The following MARCHF1 variants were observed in gnomAD, a reference collection of about 807,000 sequenced individuals.
The protein encoded by MARCHF1 is E3 ubiquitin-protein ligase MARCHF1.
A neutral mutation model predicts 54.2 loss-of-function variants in MARCHF1; 40 were observed. The ratio of observed to expected loss-of-function variants is 0.74; its 90% CI spans 0.57 to 0.96. The LOEUF (loss-of-function observed/expected upper bound fraction) is 0.96. MARCHF1 is among the 40% of genes least tolerant of loss of function. The probability of loss-of-function intolerance (pLI) is 0.00; values close to 1 mark genes in which losing one functional copy is unlikely to be tolerated. For missense variants in MARCHF1, 586 were observed against 656.5 expected (o/e 0.89, Z 1.17); for synonymous variants, 236 against 236.3 (o/e 1.00, Z 0.01).
At chr4:163,959,315 AAAC>A (rs1319412764) in intron 3 of MARCHF1, among the ~76,000 whole-genome samples, 8 of 134,152 alleles carry the variant, frequency 6.0e-5, no homozygotes, top group East Asian at 4.3e-4. Context: ...ATCCTAAGCA[AAAC>A]AACAACAACA....
At chr4:164,102,220 T>C (rs1431803916) in intron 2 of MARCHF1, among the ~76,000 whole-genome samples, 5 of 84,958 alleles carry the variant, frequency 5.9e-5, no homozygotes, top group African/African-American at 2.4e-4. Flanking sequence ...ACTTCCCCAA[T>C]CTAGCAAGGC....
chr4:163,991,902 A>T (rs945046756), intron 2 of MARCHF1, among the ~76,000 whole-genome samples: 1 of 151,954 alleles, frequency 6.6e-6, no homozygotes, highest in African/African-American at 2.4e-5. Flanking sequence ...GCATTTTTAC[A>T]TATTAACTCT....
chr4:163,636,079 T>C (rs1742308787), intron 5 of MARCHF1, among the ~76,000 whole-genome samples: 1 of 152,164 alleles, frequency 6.6e-6, no homozygotes, highest in South Asian at 2.1e-4. Context: ...AAATTAGGTA[T>C]CGATGGGACG....
intron 4 of MARCHF1, among the ~76,000 whole-genome samples, chr4:163,806,262 T>C (rs1405946879): frequency 6.6e-6 from 1 of 152,190 alleles, no homozygotes; most frequent in African/African-American, 2.4e-5. Context: ...CTCAGTTGGC[T>C]CCACATTCTG....
intron 3 of MARCHF1, among the ~76,000 whole-genome samples, chr4:163,930,359 G>C (rs1478232502): frequency 6.6e-6 from 1 of 151,922 alleles, no homozygotes; most frequent in African/African-American, 2.4e-5. Context: ...CTCAGAAATT[G>C]AACAGAGGAC....
At chr4:163,936,859 C>T (rs1751807994) in intron 3 of MARCHF1, among the ~76,000 whole-genome samples, 1 of 152,206 alleles carries the variant, frequency 6.6e-6, no homozygotes, top group Non-Finnish European at 1.5e-5. Context: ...CTCAGATCCT[C>T]AGGCTCAGCC....
At chr4:163,928,160 C>A (rs753432170) in intron 3 of MARCHF1, among the ~76,000 whole-genome samples, 9 of 151,770 alleles carry the variant, frequency 5.9e-5, no homozygotes, top group Non-Finnish European at 1.0e-4. Flanking sequence ...AAAGAAAGTG[C>A]CTTTGTCAAC....
At chr4:163,616,673 G>C (rs1396614339) in intron 5 of MARCHF1, among the ~76,000 whole-genome samples, 1 of 151,964 alleles carries the variant, frequency 6.6e-6, no homozygotes, top group East Asian at 1.9e-4. Flanking sequence ...GAGCCCAGGT[G>C]TTTGAAGCTA....
intron 4 of MARCHF1, among the ~76,000 whole-genome samples, chr4:163,740,163 A>C (rs1346003311): frequency 6.6e-6 from 1 of 152,116 alleles, no homozygotes. Context: ...GCACTGTAAA[A>C]CTACCTATCT....
chr4:164,290,895 A>C (rs1161395763), intron 1 of MARCHF1, among the ~76,000 whole-genome samples: 5 of 151,932 alleles, frequency 3.3e-5, no homozygotes, highest in African/African-American at 1.2e-4. Flanking sequence ...AGGACAAAGA[A>C]AATCCAAGTA....
intron 1 of MARCHF1, among the ~76,000 whole-genome samples, chr4:164,377,171 T>C (rs918077672): frequency 4.6e-5 from 5 of 109,652 alleles, no homozygotes; most frequent in Non-Finnish European, 8.4e-5. Context: ...TAACATTACA[T>C]GTAATAGTTC....
intron 2 of MARCHF1, among the ~76,000 whole-genome samples, chr4:164,067,834 T>A (rs1211282073): frequency 6.6e-6 from 1 of 152,116 alleles, no homozygotes; most frequent in Non-Finnish European, 1.5e-5. Context: ...AATAAAGGTC[T>A]AATATCCAGA....
chr4:163,536,708 C>G (rs911994361), intron 9 of MARCHF1, among the ~76,000 whole-genome samples: 1 of 152,162 alleles, frequency 6.6e-6, no homozygotes, highest in Admixed American at 6.5e-5. Context: ...TTTCACCTCT[C>G]TTTCCAGAAA....
At chr4:163,641,238 C>T (rs1330716509) in intron 5 of MARCHF1, among the ~76,000 whole-genome samples, 2 of 152,038 alleles carry the variant, frequency 1.3e-5, no homozygotes, top group Admixed American at 1.3e-4. Context: ...TAAAATCTGT[C>T]ACTTTTCCAG....
rs183887870 is a variant in MARCHF1, at chr4:164,359,536, C to T, written c.-323+24334G>A. On this transcript the variant is annotated intron_variant, in intron 1 of 9. Transcript: ENST00000514618. ...CTGTATGTACATTATGGAATTTCAT[C>T]ATTTCATCATCCATACTCTATATAG... Among the ~76,000 whole-genome samples, 38 of 150,098 alleles carry T rather than the reference C, an allele frequency of 2.5e-4. 4 individuals carry two copies. In the East Asian group the frequency reaches 3.7e-3, roughly 14 times the overall value.
intron 3 of MARCHF1, among the ~76,000 whole-genome samples, chr4:163,968,805 G>A (rs953155209): frequency 2.0e-5 from 3 of 151,978 alleles, no homozygotes; most frequent in South Asian, 2.1e-4. Context: ...AGTGCAATAC[G>A]CCCTGGAAAA....
Position 164,085,967 on chromosome 4 carries a change from T to TG in MARCHF1, c.-248+25620dup, listed in dbSNP as rs1001900747. Reference sequence around the variant, plus strand: ...AGTTATAGAAATTTTTGTACAGAAATGGGGGGGTTATAAGAATTTATTACT... The same window carrying TG: ...AGTTATAGAAATTTTTGTACAGAAATGGGGGGGGTTATAAGAATTTATTACT... On this transcript the variant is annotated intron_variant, in intron 2 of 9. Transcript: ENST00000514618. Among the ~76,000 whole-genome samples, 35 of 151,714 alleles carry TG rather than the reference T, an allele frequency of 2.3e-4. 1 individual carries two copies. The highest frequency in any genetic ancestry group is 1.5e-3 in the South Asian group (7 of 4,812).
chr4:163,786,114 C>G (rs1460582352), intron 4 of MARCHF1, among the ~76,000 whole-genome samples: 1 of 151,864 alleles, frequency 6.6e-6, no homozygotes, highest in Non-Finnish European at 1.5e-5. Flanking sequence ...GAATTCAGTC[C>G]TTCGGACACC....
At chr4:164,060,547 A>T (rs4056075) in intron 2 of MARCHF1, among the ~76,000 whole-genome samples, 110,178 of 151,980 alleles carry the variant, frequency 0.72, 40,490 homozygotes, top group Non-Finnish European at 0.79. Context: ...TTATGACTAA[A>T]GGGTAATAAT....
Sources: allele counts gnomAD v4.1 joint callset (sites outside exome capture counted in the v4.1 genomes callset), GRCh38; gene constraint gnomAD v4.1.1; transcripts MANE v1.5; gene names NCBI Gene and HGNC (gene_info 2026-07-23, HGNC 2026-07-21).